MSTN: variants seen among roughly 807,000 people sequenced by gnomAD.
MSTN encodes the protein myostatin.
A neutral mutation model predicts 32.3 loss-of-function variants in MSTN; 12 were observed. The observed-to-expected ratio is 0.37, with a 90% CI of 0.24 to 0.60. The LOEUF (loss-of-function observed/expected upper bound fraction) is 0.60, where lower values mean the gene tolerates loss of function less well. Among genes scored for constraint, MSTN ranks in the 20% least tolerant of loss-of-function variants. MSTN has a pLI of 0.67. For synonymous variants in MSTN, 168 were observed against 155.1 expected (o/e 1.08, Z -0.62); for missense variants, 403 against 450.3 (o/e 0.89, Z 0.95).
rs575523122 is a variant in MSTN at position 190,062,290 on chromosome 2, C to A, written c.307G>T (p.Asp103Tyr). Residue 103 changes from aspartate to tyrosine, a missense_variant, in exon 1 of 3, where the codon GAT becomes TAT. Physicochemically the swap from Asp to Tyr is radical, Grantham distance 160 (BLOSUM62 -3). Transcript: ENST00000260950. ...QYDVQRDDSS[D>Y]GSLEDDDYHA... Reference sequence around the variant, plus strand: ...TAATCGTCATCTTCCAAAGAGCCATCGCTGCTGTCATCCCTCTGGACATCA... The same window carrying A: ...TAATCGTCATCTTCCAAAGAGCCATAGCTGCTGTCATCCCTCTGGACATCA... 6.2e-7 allele frequency: 1 copy of A among 1,613,138 alleles called. No homozygotes were observed. The highest frequency in any genetic ancestry group is 8.5e-7 in the Non-Finnish European group (1 of 1,179,430).
At chr2:190,061,051 T>C (rs1485204814) in intron 1 of MSTN, among the ~76,000 whole-genome samples, 1 of 152,080 alleles carries the variant, frequency 6.6e-6, no homozygotes, top group Non-Finnish European at 1.5e-5. Flanking sequence ...GAAAGTATTG[T>C]CTTTAGGGCC....
intron 1 of MSTN, 114 bp from the exon 2 acceptor site, chr2:190,060,549 T>C: frequency 1.1e-6 from 1 of 894,394 alleles, no homozygotes; most frequent in Non-Finnish European, 1.7e-6. Context: ...CTATGCAGTC[T>C]TTTAAAATGA....
Position 190,057,131 on chromosome 2 carries a change from A to G in MSTN, c.*127T>C, listed in dbSNP as rs923518162. 8.5e-6 allele frequency: 8 copies of G among 943,300 alleles called. No homozygotes were observed. The highest frequency in any genetic ancestry group is 4.8e-5 in the Admixed American group (2 of 42,048). 58.4% of individuals were successfully genotyped at this position (943,300 alleles called of 1,614,324 possible). ...TTCCCCCTTTTAGTTTACATACTGT[A>G]GCTTATGCTTAAGTGACTGTAGCAT... On this transcript the variant is annotated 3_prime_UTR_variant, in exon 3 of 3. Coordinates refer to ENST00000260950, the MANE Select transcript of MSTN (RefSeq NM_005259.3).
chr2:190,061,634 A>G (rs1685597424), intron 1 of MSTN, among the ~76,000 whole-genome samples: 1 of 151,992 alleles, frequency 6.6e-6, no homozygotes, highest in Non-Finnish European at 1.5e-5. Context: ...TGCTATGTTT[A>G]CTTCATTATT....
intron 2 of MSTN, among the ~76,000 whole-genome samples, chr2:190,059,113 T>C (rs996812277): frequency 6.6e-6 from 1 of 151,896 alleles, no homozygotes; most frequent in African/African-American, 2.4e-5. Context: ...AATTATATCA[T>C]CTTTATAACT....
chr2:190,060,841 C>A (rs1346148653), intron 1 of MSTN, among the ~76,000 whole-genome samples: 1 of 151,992 alleles, frequency 6.6e-6, no homozygotes, highest in South Asian at 2.1e-4. Flanking sequence ...ACCAATCAGT[C>A]TGGAAGAAGG....
chr2:190,058,254 C>T (rs191294210), intron 2 of MSTN, among the ~76,000 whole-genome samples: 1 of 152,110 alleles, frequency 6.6e-6, no homozygotes, highest in East Asian at 1.9e-4. Flanking sequence ...CTGCCCCAAT[C>T]TTTTAATGCA....
rs188760163 is a variant in MSTN at position 190,061,823 on chromosome 2, T to C, written c.373+401A>G. 3.5e-3 allele frequency among the ~76,000 whole-genome samples: 529 copies of C among 152,024 alleles called. 2 individuals carry two copies. Among genetic ancestry groups the C allele is most frequent in the Non-Finnish European group, 5.2e-3 (356 of 67,922 alleles). Reference sequence around the variant, plus strand: ...CTTAAACATCCAGCAAGTTTCTTTTTTTTTTTCTGTTATTAGTGAAAAAAA... The same window carrying C: ...CTTAAACATCCAGCAAGTTTCTTTTCTTTTTTCTGTTATTAGTGAAAAAAA... On this transcript the variant is annotated intron_variant, in intron 1 of 2. Transcript: ENST00000260950.
At position 190,060,240 on chromosome 2, in the gene MSTN, C is replaced by A. The variant is rs761832176; in HGVS notation, c.569G>T (p.Arg190Leu). The A allele has an allele frequency of 3.7e-6, 6 of 1,613,034 alleles. No homozygotes were observed. Among genetic ancestry groups the A allele is most frequent in the Non-Finnish European group, 5.1e-6 (6 of 1,179,252 alleles). Reference sequence around the variant, plus strand: ...TGGGTTCATGTCAAGTTTCAGAGATCGGATTCCAGTATACCTTGTACCGTC... The same window carrying A: ...TGGGTTCATGTCAAGTTTCAGAGATAGGATTCCAGTATACCTTGTACCGTC... The part of the protein sequence containing the change: ...MKDGTRYTGI[R>L]SLKLDMNPGT... Residue 190 changes from arginine to leucine, a missense_variant, in exon 2 of 3, where the codon CGA becomes CTA. Coordinates refer to ENST00000260950, the MANE Select transcript of MSTN (RefSeq NM_005259.3).
chr2:190,061,559 A>T (rs1685595085), intron 1 of MSTN, among the ~76,000 whole-genome samples: 1 of 152,030 alleles, frequency 6.6e-6, no homozygotes, highest in Non-Finnish European at 1.5e-5. Flanking sequence ...TGTGAGCCAT[A>T]ACCTACCCAA....
chr2:190,058,907 T>C (rs1398454904), intron 2 of MSTN, among the ~76,000 whole-genome samples: 1 of 151,810 alleles, frequency 6.6e-6, no homozygotes, highest in Non-Finnish European at 1.5e-5. Flanking sequence ...ATGGGTGCAC[T>C]AAAACCTCAG....
chr2:190,060,570 G>T, intron 1 of MSTN, 135 bp from the exon 2 acceptor site: 1 of 759,082 alleles, frequency 1.3e-6, no homozygotes, highest in South Asian at 2.0e-5. Context: ...AATACCGTGT[G>T]GAACTTTATA....
In MSTN at chr2:190,060,320, G is replaced by T. The variant is rs563747575; in HGVS notation, c.489C>A (p.Val163=). Residue 163 remains valine, a synonymous_variant, in exon 2 of 3, where the codon GTC becomes GTA. Transcript: ENST00000260950. ...GCACAAACACTGTTGTAGGAGTCTCGACGGGTCTCAAATATATCCATAGTT... is the reference window on the plus strand; with the variant it reads ...GCACAAACACTGTTGTAGGAGTCTCTACGGGTCTCAAATATATCCATAGTT... ...KAQLWIYLRP[V]ETPTTVFVQI... is the part of the protein sequence containing the mutation. 1 of 1,612,736 alleles carries T rather than the reference G, an allele frequency of 6.2e-7. No individual in the cohort carries two copies. The highest frequency in any genetic ancestry group is 1.7e-5 in the Admixed American group (1 of 59,874).
At chr2:190,058,122 G>C (rs947727254) in intron 2 of MSTN, among the ~76,000 whole-genome samples, 1 of 152,006 alleles carries the variant, frequency 6.6e-6, no homozygotes, top group Admixed American at 6.6e-5. Flanking sequence ...GGAAAACTTG[G>C]ACAATAAAAC....
At position 190,056,912 on chromosome 2, in the gene MSTN, T is replaced by C. The variant is rs1049208198; in HGVS notation, c.*346A>G. ...TTTCTGTAAATATTAAACAAAACTT[T>C]AAAGAAATAGACTTTAAAGCATACT... is the stretch of plus-strand genomic sequence containing the variant. On this transcript the variant is annotated 3_prime_UTR_variant, in exon 3 of 3. Coordinates refer to ENST00000260950, the MANE Select transcript of MSTN (RefSeq NM_005259.3). 8.5e-6 allele frequency: 2 copies of C among 234,216 alleles called. No individual in the cohort carries two copies. Among genetic ancestry groups the C allele is most frequent in the African/African-American group, 4.6e-5 (2 of 43,562 alleles). 14.5% of individuals were successfully genotyped at this position (234,216 alleles called of 1,614,324 possible).
At chr2:190,057,756 T>G in intron 2 of MSTN, 118 bp from the exon 3 acceptor site, 1 of 1,045,350 alleles carries the variant, frequency 9.6e-7, no homozygotes, top group Admixed American at 1.9e-5. Flanking sequence ...ACCACATTTA[T>G]TTTTAAAAGG....
chr2:190,059,705 G>A (rs559565042), intron 2 of MSTN, among the ~76,000 whole-genome samples: 1 of 151,852 alleles, frequency 6.6e-6, no homozygotes. Flanking sequence ...GGATTTGTTG[G>A]TTTATGTGGT....
At chr2:190,061,713 T>C (rs923641639) in intron 1 of MSTN, among the ~76,000 whole-genome samples, 4 of 152,086 alleles carry the variant, frequency 2.6e-5, no homozygotes, top group African/African-American at 9.7e-5. Context: ...CAAAATTAAA[T>C]TTTTAACTGT....
intron 1 of MSTN, among the ~76,000 whole-genome samples, chr2:190,061,383 T>C (rs1685589810): frequency 6.6e-6 from 1 of 152,008 alleles, no homozygotes. Context: ...AGGAATTGTA[T>C]GAAATATGTT....
Sources: gnomAD v4.1 joint callset for allele counts (sites outside exome capture counted in the v4.1 genomes callset) on GRCh38, gnomAD v4.1.1 for gene constraint, MANE v1.5 for transcripts, NCBI Gene and HGNC (gene_info 2026-07-23, HGNC 2026-07-21) for gene names.